Variants in GRXCR1 observed in about 807,000 individuals in gnomAD.
The protein encoded by GRXCR1 is glutaredoxin domain-containing cysteine-rich protein 1.
In GRXCR1, 27 loss-of-function variants were observed where a neutral mutation model predicts 27.3. That is an observed-to-expected ratio of 0.99 (90% CI 0.73 to 1.37). The LOEUF is 1.37. Ranked by LOEUF, GRXCR1 falls within the 40% of genes most tolerant of loss-of-function variation. The pLI, the probability that GRXCR1 is intolerant of heterozygous loss-of-function variation, is 0.00. For synonymous variants in GRXCR1, 122 were observed against 131.1 expected (o/e 0.93, Z 0.47); for missense variants, 379 against 354.4 (o/e 1.07, Z -0.56).
At chr4:43,012,674 A>T (rs1031070632) in intron 2 of GRXCR1, among the ~76,000 whole-genome samples, 3 of 152,202 alleles carry the variant, frequency 2.0e-5, no homozygotes, top group African/African-American at 7.2e-5. Context: ...AAACATTATT[A>T]TACCCATTTT....
At chr4:42,959,312 A>G (rs1378252884) in intron 1 of GRXCR1, among the ~76,000 whole-genome samples, 1 of 151,992 alleles carries the variant, frequency 6.6e-6, no homozygotes, top group Non-Finnish European at 1.5e-5. Context: ...TAAGTGAAAT[A>G]AGCCAGGCAG....
intron 1 of GRXCR1, among the ~76,000 whole-genome samples, chr4:42,911,983 A>C (rs1746731000): frequency 6.6e-6 from 1 of 152,094 alleles, no homozygotes; most frequent in Admixed American, 6.6e-5. Context: ...TAAAATTGGA[A>C]AGCTGTTCTG....
intron 2 of GRXCR1, among the ~76,000 whole-genome samples, chr4:43,012,499 G>A (rs540344262): frequency 9.9e-5 from 15 of 152,084 alleles, no homozygotes; most frequent in South Asian, 2.1e-4. Flanking sequence ...TGTTGACTCT[G>A]GACAGGAAAT....
intron 2 of GRXCR1, among the ~76,000 whole-genome samples, chr4:42,987,983 C>A (rs1711835409): frequency 6.6e-6 from 1 of 152,170 alleles, no homozygotes; most frequent in Non-Finnish European, 1.5e-5. Context: ...AGGAGAATCC[C>A]TCCTTGCTCT....
intron 2 of GRXCR1, among the ~76,000 whole-genome samples, chr4:42,964,951 A>G (rs1365073744): frequency 6.6e-6 from 1 of 152,042 alleles, no homozygotes; most frequent in East Asian, 1.9e-4. Flanking sequence ...ATGTCTGACA[A>G]TGTAAGACAT....
At chr4:42,948,918 T>C (rs1057155074) in intron 1 of GRXCR1, among the ~76,000 whole-genome samples, 3 of 152,200 alleles carry the variant, frequency 2.0e-5, no homozygotes, top group Non-Finnish European at 2.9e-5. Flanking sequence ...GACACCTTGA[T>C]TTCTGTCCAT....
chr4:42,908,939 G>C (rs960115295), intron 1 of GRXCR1, among the ~76,000 whole-genome samples: 3 of 152,138 alleles, frequency 2.0e-5, no homozygotes, highest in African/African-American at 7.2e-5. Context: ...GGCACATGTT[G>C]TGCCCAAACC....
chr4:42,923,134 T>C (rs1747059993), intron 1 of GRXCR1, among the ~76,000 whole-genome samples: 1 of 152,026 alleles, frequency 6.6e-6, no homozygotes, highest in South Asian at 2.1e-4. Flanking sequence ...AGCAGAGGAG[T>C]CTTCTTATTC....
chr4:42,994,479 G>A (rs1712084216), intron 2 of GRXCR1, among the ~76,000 whole-genome samples: 1 of 152,136 alleles, frequency 6.6e-6, no homozygotes, highest in Non-Finnish European at 1.5e-5. Flanking sequence ...AGTAAAGACA[G>A]GAAGTTGTAC....
intron 3 of GRXCR1, among the ~76,000 whole-genome samples, chr4:43,028,130 G>A (rs10016491): frequency 0.07 from 10,662 of 151,806 alleles, 1,161 homozygotes; most frequent in African/African-American, 0.24. Context: ...AAAAAGAGAT[G>A]TTGAAATAAT....
intron 3 of GRXCR1, among the ~76,000 whole-genome samples, chr4:43,029,091 G>A (rs996258112): frequency 6.6e-6 from 1 of 152,076 alleles, no homozygotes; most frequent in African/African-American, 2.4e-5. Flanking sequence ...GTATCAATTA[G>A]ATCCTAATGT....
chr4:42,906,034 T>C (rs980840160), intron 1 of GRXCR1, among the ~76,000 whole-genome samples: 6 of 152,200 alleles, frequency 3.9e-5, no homozygotes, highest in Non-Finnish European at 7.3e-5. Context: ...TCATGAACTG[T>C]GTACATTTTT....
chr4:43,018,769 A>C (rs146902774), intron 2 of GRXCR1, among the ~76,000 whole-genome samples: 197 of 152,344 alleles, frequency 1.3e-3, no homozygotes, highest in African/African-American at 4.5e-3. Context: ...TATCTCTTAA[A>C]AGAAATAGAA....
chr4:42,949,792 G>C (rs1195343783), intron 1 of GRXCR1, among the ~76,000 whole-genome samples: 1 of 152,184 alleles, frequency 6.6e-6, no homozygotes, highest in Non-Finnish European at 1.5e-5. Flanking sequence ...AAGCCTGGAA[G>C]CCTGAGGAGG....
intron 3 of GRXCR1, among the ~76,000 whole-genome samples, chr4:43,023,816 G>A (rs183692942): frequency 8.2e-4 from 125 of 152,288 alleles, no homozygotes; most frequent in African/African-American, 2.7e-3. Flanking sequence ...GCATTCAAGA[G>A]ATGAAAAGAA....
chr4:42,926,077 G>T (rs370150915), intron 1 of GRXCR1, among the ~76,000 whole-genome samples: 1 of 151,888 alleles, frequency 6.6e-6, no homozygotes, highest in Non-Finnish European at 1.5e-5. Context: ...GAAGATACTC[G>T]ACTAATATGT....
chr4:42,957,360 C>T (rs1326260957), intron 1 of GRXCR1, among the ~76,000 whole-genome samples: 1 of 152,004 alleles, frequency 6.6e-6, no homozygotes, highest in Non-Finnish European at 1.5e-5. Flanking sequence ...ATTGTTTGCT[C>T]ACCATTATAC....
intron 1 of GRXCR1, among the ~76,000 whole-genome samples, chr4:42,957,195 C>A: frequency 6.6e-6 from 1 of 152,044 alleles, no homozygotes; most frequent in East Asian, 1.9e-4. Context: ...TTTTCTTGAT[C>A]TCTAAGACAA....
chr4:42,946,144 T>G (rs961960361), intron 1 of GRXCR1, among the ~76,000 whole-genome samples: 2 of 152,136 alleles, frequency 1.3e-5, no homozygotes, highest in African/African-American at 2.4e-5. Flanking sequence ...GAATGATATA[T>G]ACCCAGTGGA....
Sources: allele counts gnomAD v4.1 joint callset (sites outside exome capture counted in the v4.1 genomes callset), GRCh38; gene constraint gnomAD v4.1.1; transcripts MANE v1.5; gene names NCBI Gene and HGNC (gene_info 2026-07-23, HGNC 2026-07-21).